HACD2: variants seen among roughly 807,000 people sequenced by gnomAD.
The protein encoded by HACD2 is 3-hydroxyacyl-CoA dehydratase 2, also known as very-long-chain (3R)-3-hydroxyacyl-CoA dehydratase 2.
A neutral mutation model predicts 31.0 loss-of-function variants in HACD2; 15 were observed. The ratio of observed to expected loss-of-function variants is 0.48; its 90% confidence interval spans 0.32 to 0.75. The LOEUF is 0.75. HACD2 is among the 30% of genes least tolerant of loss of function. The pLI is 0.03. For synonymous variants in HACD2, 115 were observed against 122.2 expected (o/e 0.94, Z 0.39); for missense variants, 283 against 313.0 (o/e 0.90, Z 0.72).
chr3:123,528,498 A>G (rs1220464841), intron 3 of HACD2, 24 bp from the exon 4 acceptor site: 1 of 1,311,696 alleles, frequency 7.6e-7, no homozygotes, highest in African/African-American at 1.4e-5. Flanking sequence ...TGGGATGGAT[A>G]AATAAATGTA....
intron 2 of HACD2, among the ~76,000 whole-genome samples, chr3:123,571,279 C>T (rs1387527788): frequency 6.6e-6 from 1 of 152,174 alleles, no homozygotes; most frequent in East Asian, 1.9e-4. Flanking sequence ...AATTACTGTT[C>T]CTTGGCTATT....
In HACD2 at chr3:123,494,634, C is replaced by T. The variant is rs771825066; in HGVS notation, c.*254G>A. 3 of 493,012 alleles carry T rather than the reference C, an allele frequency of 6.1e-6. No individual in the cohort carries two copies. The highest frequency in any genetic ancestry group is 1.1e-5 in the Non-Finnish European group (3 of 279,762). 30.5% of individuals were successfully genotyped at this position (493,012 alleles called of 1,614,324 possible). A position where few individuals can be genotyped will look rare whatever the true frequency, so the allele number is the denominator to read the frequency against. ...TAAAATGCCAAATCCCTTTCTAGTG[C>T]CATCATAAATATTAAGAACTTCTGG... On this transcript the variant is annotated 3_prime_UTR_variant, in exon 7 of 7. Coordinates refer to ENST00000383657, the MANE Select transcript of HACD2 (RefSeq NM_198402.5).
At chr3:123,521,689 T>G (rs1264120366) in intron 4 of HACD2, among the ~76,000 whole-genome samples, 1 of 151,140 alleles carries the variant, frequency 6.6e-6, no homozygotes, top group Non-Finnish European at 1.5e-5. Context: ...CAGGGTGCAG[T>G]GGAGGTGAGC....
chr3:123,506,283 T>C (rs2055974784), intron 4 of HACD2, among the ~76,000 whole-genome samples: 1 of 152,240 alleles, frequency 6.6e-6, no homozygotes, highest in African/African-American at 2.4e-5. Context: ...TACTCCCTGC[T>C]TGATGGCAAG....
At chr3:123,497,054 AGGCCAAG>A (rs1471150328) in intron 6 of HACD2, among the ~76,000 whole-genome samples, 2 of 152,208 alleles carry the variant, frequency 1.3e-5, no homozygotes. Context: ...TGTGGATGGG[AGGCCAAG>A]GGCCTAGGGT....
intron 3 of HACD2, among the ~76,000 whole-genome samples, chr3:123,537,201 G>C (rs911425240): frequency 6.6e-6 from 1 of 152,166 alleles, no homozygotes; most frequent in Non-Finnish European, 1.5e-5. Flanking sequence ...GTCCTTAATA[G>C]AGTTAAGAGA....
At chr3:123,511,931 G>T (rs1324689027) in intron 4 of HACD2, among the ~76,000 whole-genome samples, 1 of 152,104 alleles carries the variant, frequency 6.6e-6, no homozygotes, top group East Asian at 1.9e-4. Flanking sequence ...TGAAGAGCCC[G>T]TTGCCACCCC....
chr3:123,564,136 T>C (rs1410442876), intron 3 of HACD2, among the ~76,000 whole-genome samples: 1 of 152,224 alleles, frequency 6.6e-6, no homozygotes, highest in Non-Finnish European at 1.5e-5. Flanking sequence ...GCGGCAGCCC[T>C]GACAGACAGA....
chr3:123,568,948 C>T (rs544394186), intron 2 of HACD2, among the ~76,000 whole-genome samples: 4 of 152,250 alleles, frequency 2.6e-5, no homozygotes, highest in Non-Finnish European at 4.4e-5. Context: ...GGTTTTATTT[C>T]TATTCTATCA....
At chr3:123,558,033 T>G (rs1160988935) in intron 3 of HACD2, among the ~76,000 whole-genome samples, 1 of 152,268 alleles carries the variant, frequency 6.6e-6, no homozygotes, top group Non-Finnish European at 1.5e-5. Flanking sequence ...AACCAAGATG[T>G]ACTTTACTAG....
chr3:123,578,119 C>A (rs925921490), intron 2 of HACD2, among the ~76,000 whole-genome samples: 1 of 152,200 alleles, frequency 6.6e-6, no homozygotes, highest in South Asian at 2.1e-4. Flanking sequence ...TAAATGAAAT[C>A]ATACTATTTG....
chr3:123,545,255 G>T (rs1221364568), intron 3 of HACD2, among the ~76,000 whole-genome samples: 1 of 150,734 alleles, frequency 6.6e-6, no homozygotes, highest in East Asian at 1.9e-4. Context: ...GCTAAGGCAG[G>T]CAGATCACTT....
chr3:123,526,917 T>C (rs2056291798), intron 4 of HACD2, among the ~76,000 whole-genome samples: 1 of 152,218 alleles, frequency 6.6e-6, no homozygotes, highest in South Asian at 2.1e-4. Context: ...CTTTGGCAGA[T>C]GTGCTCATAG....
rs201126671 is a variant in HACD2 at position 123,502,704 on chromosome 3, G to GA, written c.382-24dup. ...TACCTGAAGGAAGAGGAAAACAAAAGAAAAAAAACACACAGACAACGTTAA... is the reference window on the plus strand; with the variant it reads ...TACCTGAAGGAAGAGGAAAACAAAAGAAAAAAAAACACACAGACAACGTTAA... On this transcript the variant is annotated intron_variant, in intron 4 of 6. Transcript: ENST00000383657. 8.0e-4 allele frequency: 1,259 copies of GA among 1,573,842 alleles called. 4 individuals carry two copies. In the African/African-American group the frequency reaches 0.014, roughly 17 times the overall value.
intron 3 of HACD2, among the ~76,000 whole-genome samples, chr3:123,549,009 A>G (rs9831325): frequency 0.45 from 67,153 of 148,448 alleles, 17,873 homozygotes; most frequent in African/African-American, 0.73. Flanking sequence ...TCACTCTCTG[A>G]AAGCAATACC....
At chr3:123,584,753 C>G in intron 1 of HACD2, 120 bp downstream of exon 1, 4 of 770,792 alleles carry the variant, frequency 5.2e-6, no homozygotes, top group Non-Finnish European at 7.4e-6. Flanking sequence ...GTCCCGGGCA[C>G]CCCCCGCCGG....
chr3:123,539,180 T>C (rs2056459248), intron 3 of HACD2, among the ~76,000 whole-genome samples: 1 of 152,210 alleles, frequency 6.6e-6, no homozygotes, highest in Admixed American at 6.5e-5. Flanking sequence ...CTACCTTGCC[T>C]TTACTCTCAA....
At chr3:123,497,244 G>A (rs1277733728) in intron 6 of HACD2, among the ~76,000 whole-genome samples, 4 of 152,194 alleles carry the variant, frequency 2.6e-5, no homozygotes, top group Non-Finnish European at 5.9e-5. Flanking sequence ...GAATAGCACT[G>A]AAAAAACCCC....
chr3:123,538,375 A>T (rs2056450969), intron 3 of HACD2, among the ~76,000 whole-genome samples: 1 of 152,188 alleles, frequency 6.6e-6, no homozygotes, highest in East Asian at 1.9e-4. Flanking sequence ...TTAAAAGGGC[A>T]TTATATTTTC....
Sources: gnomAD v4.1 joint callset for allele counts (sites outside exome capture counted in the v4.1 genomes callset) on GRCh38, gnomAD v4.1.1 for gene constraint, MANE v1.5 for transcripts, NCBI Gene and HGNC (gene_info 2026-07-23, HGNC 2026-07-21) for gene names.